The following MOB1B variants were observed in gnomAD, a reference collection of about 807,000 sequenced individuals.
The protein encoded by MOB1B is MOB kinase activator 1B.
Under a neutral mutation model 24.4 loss-of-function variants are expected in MOB1B, and 19 were observed. That is an observed-to-expected ratio of 0.78 (90% CI 0.54 to 1.14). The LOEUF is 1.14. Among genes scored for constraint, MOB1B ranks in the 50% most tolerant of loss-of-function variants. The pLI is 0.00. For synonymous variants in MOB1B, 76 were observed against 82.1 expected (o/e 0.93, Z 0.40); for missense variants, 243 against 259.6 (o/e 0.94, Z 0.44).
chr4:70,944,282 G>A (rs1346436958), intron 1 of MOB1B, among the ~76,000 whole-genome samples: 2 of 152,182 alleles, frequency 1.3e-5, no homozygotes, highest in African/African-American at 2.4e-5. Flanking sequence ...TGATCCTCGC[G>A]CCTTGGCCTC....
chr4:70,970,058 T>TAC, intron 3 of MOB1B, 34 bp downstream of exon 3: 1 of 1,229,838 alleles, frequency 8.1e-7, no homozygotes, highest in South Asian at 1.4e-5. Context: ...TTCTTATTTT[T>TAC]ACATTATTTT....
chr4:70,962,841 A>G (rs1738359519), intron 2 of MOB1B, among the ~76,000 whole-genome samples: 1 of 152,042 alleles, frequency 6.6e-6, no homozygotes, highest in Non-Finnish European at 1.5e-5. Context: ...TCTACTAAAA[A>G]TACAAATAAA....
chr4:70,916,404 G>C (rs541788007), intron 1 of MOB1B, among the ~76,000 whole-genome samples: 2 of 152,328 alleles, frequency 1.3e-5, no homozygotes, highest in African/African-American at 4.8e-5. Flanking sequence ...AGAGAATACA[G>C]TGCACGAGAG....
intron 2 of MOB1B, among the ~76,000 whole-genome samples, chr4:70,963,289 G>A (rs560694249): frequency 9.9e-5 from 15 of 152,092 alleles, no homozygotes; most frequent in Non-Finnish European, 1.0e-4. Flanking sequence ...GAGCCCAGGA[G>A]TTCAAGGCTG....
At chr4:70,928,302 T>G (rs1165390387) in intron 1 of MOB1B, among the ~76,000 whole-genome samples, 2 of 151,848 alleles carry the variant, frequency 1.3e-5, no homozygotes, top group African/African-American at 4.8e-5. Context: ...GAATTTTGTT[T>G]TTTTTTTTTT....
chr4:70,902,484 C>T lies in MOB1B; in HGVS notation c.-53C>T. ...GCCTTTCCTCTTCTTTCCTGGCCCA[C>T]GCCGCTCCGAGGCCTCGCGACCGCC... On this transcript the variant is annotated 5_prime_UTR_variant, in exon 1 of 6. The change creates a new upstream start codon in the 5' untranslated region. Coordinates refer to ENST00000309395, the MANE Select transcript of MOB1B (RefSeq NM_173468.4). 1.3e-6 allele frequency: 2 copies of T among 1,547,520 alleles called. No homozygotes were observed. The highest frequency in any genetic ancestry group is 8.7e-7 in the Non-Finnish European group (1 of 1,143,724).
rs1209983182 is a variant in MOB1B at position 70,986,153 on chromosome 4, C to G, written c.*4096C>G. The G allele has an allele frequency of 1.3e-5, 2 of 151,950 alleles. No homozygotes were observed. Among genetic ancestry groups the G allele is most frequent in the African/African-American group, 4.8e-5 (2 of 41,392 alleles). The allele number at this position is 151,950 out of a possible 1,614,324, so 9.4% of individuals were successfully genotyped here. ...CTATTTTTGTTCCTTTTCATGAAAA[C>G]TTCTCAATTTAATTTTAACTACTGT... On this transcript the variant is annotated 3_prime_UTR_variant, in exon 6 of 6. Coordinates refer to ENST00000309395, the MANE Select transcript of MOB1B (RefSeq NM_173468.4).
chr4:70,945,312 T>G (rs1445770871), intron 1 of MOB1B, among the ~76,000 whole-genome samples: 1 of 152,228 alleles, frequency 6.6e-6, no homozygotes, highest in Non-Finnish European at 1.5e-5. Flanking sequence ...CAGAAGTCTT[T>G]AACCAATTGT....
chr4:70,949,076 C>T (rs1053236957), intron 1 of MOB1B, among the ~76,000 whole-genome samples: 2 of 152,130 alleles, frequency 1.3e-5, no homozygotes, highest in Admixed American at 6.6e-5. Context: ...TCACTCTTAC[C>T]TTCATAGAGA....
intron 1 of MOB1B, among the ~76,000 whole-genome samples, chr4:70,929,387 C>G (rs1470321204): frequency 6.6e-6 from 1 of 151,750 alleles, no homozygotes; most frequent in Non-Finnish European, 1.5e-5. Context: ...CCATGTTGGC[C>G]AGGCTGATCT....
At chr4:70,959,907 G>A (rs1394382397) in intron 2 of MOB1B, among the ~76,000 whole-genome samples, 1 of 151,842 alleles carries the variant, frequency 6.6e-6, no homozygotes, top group African/African-American at 2.4e-5. Context: ...TTTTGAGATC[G>A]ACTCTTGCTC....
intron 1 of MOB1B, among the ~76,000 whole-genome samples, chr4:70,945,938 G>A (rs1377591058): frequency 6.6e-6 from 1 of 150,848 alleles, no homozygotes; most frequent in South Asian, 2.1e-4. Flanking sequence ...AACTTTTTGT[G>A]GTGCTTTTTT....
chr4:70,916,574 CTT>C (rs945920726), intron 1 of MOB1B, among the ~76,000 whole-genome samples: 1 of 147,944 alleles, frequency 6.8e-6, no homozygotes, highest in Non-Finnish European at 1.5e-5. Flanking sequence ...CACTGAATAT[CTT>C]TTTTTTTTTG....
intron 1 of MOB1B, among the ~76,000 whole-genome samples, chr4:70,915,694 C>T (rs1418241027): frequency 6.6e-6 from 1 of 151,932 alleles, no homozygotes; most frequent in African/African-American, 2.4e-5. Context: ...AGAGATGTGA[C>T]CCTGAGAAAT....
At chr4:70,944,273 G>A (rs1351345778) in intron 1 of MOB1B, among the ~76,000 whole-genome samples, 1 of 152,210 alleles carries the variant, frequency 6.6e-6, no homozygotes, top group African/African-American at 2.4e-5. Context: ...GACCTCAGGT[G>A]ATCCTCGCGC....
chr4:70,927,468 A>G (rs1427584183), intron 1 of MOB1B, among the ~76,000 whole-genome samples: 1 of 151,956 alleles, frequency 6.6e-6, no homozygotes, highest in African/African-American at 2.4e-5. Context: ...TGAACCTGGG[A>G]GGCGGAGGTT....
intron 1 of MOB1B, among the ~76,000 whole-genome samples, chr4:70,931,458 G>A (rs1341689372): frequency 6.6e-6 from 1 of 152,052 alleles, no homozygotes; most frequent in Non-Finnish European, 1.5e-5. Flanking sequence ...ACAACATGCA[G>A]GCTTTCTTCC....
intron 1 of MOB1B, among the ~76,000 whole-genome samples, chr4:70,913,773 T>C (rs1420970953): frequency 1.3e-5 from 2 of 152,174 alleles, no homozygotes; most frequent in Non-Finnish European, 2.9e-5. Context: ...AGCTCTCCCA[T>C]TCCTCATTCT....
intron 1 of MOB1B, among the ~76,000 whole-genome samples, chr4:70,926,438 C>T (rs1736659781): frequency 1.3e-5 from 2 of 152,054 alleles, no homozygotes; most frequent in Non-Finnish European, 2.9e-5. Flanking sequence ...ACGAATGCTT[C>T]TTCCATTGGG....
Sources: gnomAD v4.1 joint callset for allele counts (sites outside exome capture counted in the v4.1 genomes callset) on GRCh38, gnomAD v4.1.1 for gene constraint, MANE v1.5 for transcripts, NCBI Gene and HGNC (gene_info 2026-07-23, HGNC 2026-07-21) for gene names.